The following DYNC1LI1 variants were observed in gnomAD, a reference collection of about 807,000 sequenced individuals.
DYNC1LI1 encodes the protein cytoplasmic dynein 1 light intermediate chain 1.
In DYNC1LI1, 19 loss-of-function variants were observed where a neutral mutation model predicts 63.8. The ratio of observed to expected loss-of-function variants is 0.30; its 90% CI spans 0.21 to 0.44. The LOEUF is 0.44. Ranked by LOEUF, DYNC1LI1 falls within the 20% of genes least tolerant of loss-of-function variation. The pLI is 1.00. For synonymous variants in DYNC1LI1, 225 were observed against 232.3 expected (o/e 0.97, Z 0.28); for missense variants, 565 against 630.2 (o/e 0.90, Z 1.11).
chr3:32,554,619 TC>T (rs1698087870), intron 2 of DYNC1LI1, among the ~76,000 whole-genome samples: 1 of 152,094 alleles, frequency 6.6e-6, no homozygotes, highest in South Asian at 2.1e-4. Flanking sequence ...CAAGTCAACC[TC>T]TGCAAGGGTA....
At position 32,528,605 on chromosome 3, in the gene DYNC1LI1, T is replaced by TA; in HGVS notation, c.1307-5dup. ...ACGCCTTCACTTGTAGCTCCAGCTA[T>TA]AAAAAAATAAAAAAACAAAAAGCTT... On this transcript the variant is annotated splice_region_variant and splice_polypyrimidine_tract_variant and intron_variant, in intron 11 of 12. Transcript: ENST00000273130. 4.4e-6 allele frequency: 7 copies of TA among 1,584,878 alleles called. No individual in the cohort carries two copies. Among genetic ancestry groups the TA allele is most frequent in the African/African-American group, 2.7e-5 (2 of 72,968 alleles).
chr3:32,539,574 C>T (rs1410425379), intron 5 of DYNC1LI1, among the ~76,000 whole-genome samples: 19 of 151,942 alleles, frequency 1.3e-4, no homozygotes, highest in African/African-American at 2.4e-4. Context: ...GAGTCTCTGT[C>T]GCCCAGGCTG....
At chr3:32,558,403 T>TAAAAAAAAAAAAA (rs533076265) in intron 2 of DYNC1LI1, among the ~76,000 whole-genome samples, 20 of 90,342 alleles carry the variant, frequency 2.2e-4, no homozygotes, top group East Asian at 1.5e-3. Context: ...TTTAAAAATG[T>TAAAAAAAAAAAAA]AAAAAAAAAA....
chr3:32,570,313 CGGGCGGGGCG>C (rs753335409), intron 2 of DYNC1LI1, 23 bp downstream of exon 2: 15 of 1,513,560 alleles, frequency 9.9e-6, no homozygotes, highest in East Asian at 2.4e-5. Flanking sequence ...CGCTGGGGGC[CGGGCGGGGCG>C]GGGCGAGGCA....
rs955287334 is a variant in DYNC1LI1 at position 32,568,911 on chromosome 3, AT to A, written c.220+1434del. Reference sequence around the variant, plus strand: ...TAGTAAACTAAAAATATATTATACAATTTTTTTTTGCTTTTGGATCCTAATT... The same window carrying A: ...TAGTAAACTAAAAATATATTATACAATTTTTTTTGCTTTTGGATCCTAATT... On this transcript the variant is annotated intron_variant, in intron 2 of 12. Coordinates refer to ENST00000273130, the MANE Select transcript of DYNC1LI1 (RefSeq NM_016141.4). Among the ~76,000 whole-genome samples the A allele has an allele frequency of 3.2e-4, 48 of 151,408 alleles. No homozygotes were observed. The East Asian group carries it at 6.4e-3, about 20-fold the overall frequency.
At chr3:32,540,939 A>G in intron 5 of DYNC1LI1, 98 bp downstream of exon 5, 2 of 797,242 alleles carry the variant, frequency 2.5e-6, no homozygotes, top group East Asian at 2.8e-5. Context: ...AAAATCATCT[A>G]GGAGAACTAA....
In DYNC1LI1 at chr3:32,528,352, A is replaced by G. The variant is rs989698254; in HGVS notation, c.1462+94T>C. 73 of 1,447,036 alleles carry G rather than the reference A, an allele frequency of 5.0e-5. No homozygotes were observed. In the African/African-American group the frequency reaches 8.2e-4, roughly 16 times the overall value. The allele number at this position is 1,447,036 out of a possible 1,614,324, so 89.6% of individuals were successfully genotyped here. A position where few individuals can be genotyped will look rare whatever the true frequency, so the allele number is the denominator to read the frequency against. On this transcript the variant is annotated intron_variant, in intron 12 of 12. Transcript: ENST00000273130. ...CCTGCCCAACTTAGCAAAGATACCA[A>G]AACCACAGAATTATACACTTTACAT... is the stretch of plus-strand genomic sequence containing the variant.
chr3:32,559,651 A>G (rs1365755921), intron 2 of DYNC1LI1, among the ~76,000 whole-genome samples: 1 of 152,196 alleles, frequency 6.6e-6, no homozygotes, highest in East Asian at 1.9e-4. Context: ...CTTTAATGAT[A>G]ATAGCTATCT....
chr3:32,559,163 C>G (rs930794315), intron 2 of DYNC1LI1, among the ~76,000 whole-genome samples: 3 of 151,788 alleles, frequency 2.0e-5, no homozygotes, highest in African/African-American at 7.3e-5. Flanking sequence ...ACTTGCACTA[C>G]AGGTGTGTGC....
intron 2 of DYNC1LI1, among the ~76,000 whole-genome samples, chr3:32,559,033 G>A (rs13325887): frequency 2.7e-5 from 4 of 150,276 alleles, no homozygotes; most frequent in Admixed American, 2.0e-4. Context: ...TTAAAATGCT[G>A]TACTATTATC....
chr3:32,536,538 C>G (rs1057384982), intron 6 of DYNC1LI1, among the ~76,000 whole-genome samples: 1 of 152,158 alleles, frequency 6.6e-6, no homozygotes, highest in African/African-American at 2.4e-5. Context: ...GATTCTCCAG[C>G]CTCACTTTGG....
chr3:32,567,844 C>T (rs1698289772), intron 2 of DYNC1LI1, among the ~76,000 whole-genome samples: 1 of 152,000 alleles, frequency 6.6e-6, no homozygotes, highest in South Asian at 2.1e-4. Context: ...ACTGGGATTA[C>T]AGGTGTGTGC....
chr3:32,561,671 G>C (rs978179195), intron 2 of DYNC1LI1, among the ~76,000 whole-genome samples: 2 of 151,388 alleles, frequency 1.3e-5, no homozygotes, highest in Non-Finnish European at 1.5e-5. Context: ...CTAGAAGACT[G>C]ACAATACTTA....
chr3:32,543,997 C>T (rs1471235553), intron 4 of DYNC1LI1, among the ~76,000 whole-genome samples: 1 of 151,306 alleles, frequency 6.6e-6, no homozygotes, highest in South Asian at 2.1e-4. Context: ...GGGGGGCGGG[C>T]AGAGGTTGCA....
At chr3:32,532,924 A>G (rs1379583931) in intron 8 of DYNC1LI1, 62 bp downstream of exon 8, 1 of 1,468,286 alleles carries the variant, frequency 6.8e-7, no homozygotes, top group Non-Finnish European at 8.9e-7. Context: ...ATTTTAAAGT[A>G]TGGAATTCCC....
At chr3:32,564,386 C>T (rs1220678918) in intron 2 of DYNC1LI1, among the ~76,000 whole-genome samples, 1 of 152,238 alleles carries the variant, frequency 6.6e-6, no homozygotes, top group Non-Finnish European at 1.5e-5. Context: ...CAGGCCAAAA[C>T]TGGCTTGCTG....
intron 5 of DYNC1LI1, among the ~76,000 whole-genome samples, chr3:32,539,584 G>T (rs571392156): frequency 5.9e-5 from 9 of 152,038 alleles, no homozygotes; most frequent in African/African-American, 2.2e-4. Context: ...CGCCCAGGCT[G>T]GAGTGCAGTG....
At chr3:32,533,394 T>C (rs1030966335) in intron 7 of DYNC1LI1, among the ~76,000 whole-genome samples, 2 of 152,096 alleles carry the variant, frequency 1.3e-5, no homozygotes, top group African/African-American at 4.8e-5. Flanking sequence ...GGAGAATCGC[T>C]TGAGCCTGGG....
At chr3:32,556,867 CTCTATTTTCATAA>C (rs1318206334) in intron 2 of DYNC1LI1, among the ~76,000 whole-genome samples, 2 of 152,208 alleles carry the variant, frequency 1.3e-5, no homozygotes, top group African/African-American at 4.8e-5. Flanking sequence ...CAACCACAAT[CTCTATTTTCATAA>C]TATACTTCAT....
Sources: allele counts gnomAD v4.1 joint callset (sites outside exome capture counted in the v4.1 genomes callset), GRCh38; gene constraint gnomAD v4.1.1; transcripts MANE v1.5; gene names NCBI Gene and HGNC (gene_info 2026-07-23, HGNC 2026-07-21).